TBC1D32: variants seen among roughly 807,000 people sequenced by gnomAD.
TBC1D32 encodes the protein TBC1 domain family member 32.
A neutral mutation model predicts 170.3 loss-of-function variants in TBC1D32; 151 were observed. The observed-to-expected ratio is 0.89, with a 90% CI of 0.78 to 1.01. The LOEUF (loss-of-function observed/expected upper bound fraction) is 1.01. Ranked by LOEUF, TBC1D32 falls within the 50% of genes least tolerant of loss-of-function variation. TBC1D32 has a pLI of 0.00. For synonymous variants in TBC1D32, 498 were observed against 488.0 expected, an observed-to-expected ratio of 1.02 and a Z score of -0.27; for missense variants, 1,464 against 1,457.1, an observed-to-expected ratio of 1.00 and a Z score of -0.08.
intron 17 of TBC1D32, among the ~76,000 whole-genome samples, chr6:121,243,247 T>C (rs960743582): frequency 6.6e-6 from 1 of 151,848 alleles, no homozygotes; most frequent in African/African-American, 2.4e-5. Flanking sequence ...ATAAAAAATA[T>C]AGAGAAATTT....
At chr6:121,310,951 C>T in intron 3 of TBC1D32, 104 bp from the exon 4 acceptor site, 1 of 706,842 alleles carries the variant, frequency 1.4e-6, no homozygotes. Flanking sequence ...ACAATCCAGA[C>T]AAGAGAAGGA....
intron 30 of TBC1D32, among the ~76,000 whole-genome samples, chr6:121,101,605 T>A (rs183135198): frequency 1.3e-5 from 2 of 152,118 alleles, no homozygotes; most frequent in African/African-American, 4.8e-5. Context: ...ATAAGAGCTA[T>A]TTATGGAAAA....
intron 24 of TBC1D32, chr6:121,139,760 AC>A (rs1232324085): frequency 1.3e-5 from 2 of 152,074 alleles, no homozygotes; most frequent in Admixed American, 6.5e-5. Flanking sequence ...AAACCCAAGA[AC>A]TTTTTTACTC....
intron 22 of TBC1D32, among the ~76,000 whole-genome samples, chr6:121,183,457 G>C (rs895303871): frequency 2.0e-5 from 3 of 152,202 alleles, no homozygotes; most frequent in Non-Finnish European, 4.4e-5. Context: ...CTTCTGGTAA[G>C]ACTAGGAAAG....
At chr6:121,256,854 T>C (rs1236609685) in intron 15 of TBC1D32, among the ~76,000 whole-genome samples, 2 of 151,900 alleles carry the variant, frequency 1.3e-5, no homozygotes, top group African/African-American at 4.8e-5. Flanking sequence ...ACTTTTTTAG[T>C]AGAGATGGGG....
intron 20 of TBC1D32, among the ~76,000 whole-genome samples, chr6:121,233,205 G>A (rs1317278240): frequency 1.3e-5 from 2 of 152,062 alleles, no homozygotes; most frequent in Non-Finnish European, 2.9e-5. Context: ...AAAATGTTCT[G>A]TAAATATCTG....
intron 30 of TBC1D32, among the ~76,000 whole-genome samples, chr6:121,096,686 G>GA (rs200601855): frequency 0.18 from 27,035 of 151,936 alleles, 3,348 homozygotes; most frequent in East Asian, 0.61. Flanking sequence ...CATAGAACTG[G>GA]AAAAAACTAC....
chr6:121,160,943 C>G lies in TBC1D32; in HGVS notation c.2679+5G>C, dbSNP rs1388261510. Reference sequence around the variant, plus strand: ...ACATCCCACTTCTCTTTGCCCCACACTCACCTTTTCGAGTAACCTCGGAGG... The same window carrying G: ...ACATCCCACTTCTCTTTGCCCCACAGTCACCTTTTCGAGTAACCTCGGAGG... On this transcript the variant is annotated splice_donor_5th_base_variant and intron_variant, in intron 23 of 31. Coordinates refer to ENST00000398212, the MANE Select transcript of TBC1D32 (RefSeq NM_152730.6). 6.2e-7 allele frequency: 1 copy of G among 1,610,510 alleles called. No individual in the cohort carries two copies. Among genetic ancestry groups the G allele is most frequent in the Non-Finnish European group, 8.5e-7 (1 of 1,176,864 alleles).
intron 24 of TBC1D32, among the ~76,000 whole-genome samples, chr6:121,158,915 T>C (rs1344846278): frequency 6.6e-6 from 1 of 152,114 alleles, no homozygotes; most frequent in African/African-American, 2.4e-5. Flanking sequence ...ACACCTGAGT[T>C]TGATCTCCAC....
intron 1 of TBC1D32, 117 bp from the exon 2 acceptor site, chr6:121,321,911 G>T: frequency 3.1e-6 from 3 of 964,112 alleles, no homozygotes; most frequent in South Asian, 2.3e-5. Context: ...GATTAAATTA[G>T]TCATTCATCA....
At chr6:121,106,971 A>C (rs981163517) in intron 29 of TBC1D32, among the ~76,000 whole-genome samples, 4 of 151,856 alleles carry the variant, frequency 2.6e-5, no homozygotes, top group African/African-American at 9.7e-5. Flanking sequence ...ATTGTTTTTT[A>C]ACAAAGAGTA....
At chr6:121,307,062 A>G (rs956218317) in intron 5 of TBC1D32, among the ~76,000 whole-genome samples, 1 of 152,046 alleles carries the variant, frequency 6.6e-6, no homozygotes, top group African/African-American at 2.4e-5. Flanking sequence ...TGAGAGTATC[A>G]TAAAACAGCA....
At chr6:121,251,817 T>A (rs1798329422) in intron 17 of TBC1D32, among the ~76,000 whole-genome samples, 1 of 152,000 alleles carries the variant, frequency 6.6e-6, no homozygotes, top group Non-Finnish European at 1.5e-5. Flanking sequence ...CTGACAAAGG[T>A]CTAATATCCA....
At chr6:121,319,023 T>C (rs1809320900) in intron 2 of TBC1D32, among the ~76,000 whole-genome samples, 1 of 149,800 alleles carries the variant, frequency 6.7e-6, no homozygotes, top group African/African-American at 2.4e-5. Flanking sequence ...TTTTAAAATT[T>C]TGTTAGATAT....
chr6:121,258,081 G>T (rs1413349625), intron 15 of TBC1D32, among the ~76,000 whole-genome samples: 1 of 137,886 alleles, frequency 7.3e-6, no homozygotes, highest in African/African-American at 2.7e-5. Context: ...TGAAGATTTA[G>T]GTTTCTTATT....
chr6:121,200,202 A>C (rs1339646993), intron 22 of TBC1D32, among the ~76,000 whole-genome samples: 2 of 151,458 alleles, frequency 1.3e-5, no homozygotes, highest in Admixed American at 6.6e-5. Context: ...TTTTTAAACC[A>C]TGTTAAATTT....
intron 30 of TBC1D32, among the ~76,000 whole-genome samples, chr6:121,102,361 A>C (rs935118121): frequency 2.0e-5 from 3 of 152,182 alleles, no homozygotes; most frequent in African/African-American, 7.2e-5. Context: ...ACAGTAACCA[A>C]AACAGCATGG....
At chr6:121,216,381 C>T (rs1343353555) in intron 21 of TBC1D32, among the ~76,000 whole-genome samples, 1 of 152,112 alleles carries the variant, frequency 6.6e-6, no homozygotes, top group Non-Finnish European at 1.5e-5. Flanking sequence ...ATATACTCCC[C>T]TCTATAGGTA....
chr6:121,202,833 A>C (rs1026576168), intron 22 of TBC1D32, among the ~76,000 whole-genome samples: 1 of 151,334 alleles, frequency 6.6e-6, no homozygotes, highest in African/African-American at 2.5e-5. Context: ...TGGCAATTTA[A>C]AATTCAGAAC....
Sources: allele counts gnomAD v4.1 joint callset (sites outside exome capture counted in the v4.1 genomes callset), GRCh38; gene constraint gnomAD v4.1.1; transcripts MANE v1.5; gene names NCBI Gene and HGNC (gene_info 2026-07-23, HGNC 2026-07-21).